The following BMPR1A variants were observed in gnomAD, a reference collection of about 807,000 sequenced individuals.
BMPR1A encodes the protein bone morphogenetic protein receptor type 1A.
BMPR1A carries 7 observed loss-of-function variants against 66.0 expected under a neutral mutation model. The ratio of observed to expected loss-of-function variants is 0.11; its 90% CI spans 0.06 to 0.20. The LOEUF (loss-of-function observed/expected upper bound fraction) is 0.20. Ranked by LOEUF, BMPR1A falls within the 10% of genes least tolerant of loss-of-function variation. The pLI is 1.00. For missense variants in BMPR1A, 408 were observed against 669.1 expected (o/e 0.61, Z 4.31); for synonymous variants, 200 against 229.7 (o/e 0.87, Z 1.17).
rs1843763620 is a variant in BMPR1A, at chr10:86,927,751, G to C, written c.*4032G>C. On this transcript the variant is annotated 3_prime_UTR_variant, in exon 13 of 13. Transcript: ENST00000372037. ...CATTATTGCTTCATTAGGGGAAACTGTACATAGGCATTGAAAGAAGGGTAA... is the reference window on the plus strand; with the variant it reads ...CATTATTGCTTCATTAGGGGAAACTCTACATAGGCATTGAAAGAAGGGTAA... 5.0e-6 allele frequency: 1 copy of C among 198,616 alleles called. No individual in the cohort carries two copies. Among genetic ancestry groups the C allele is most frequent in the South Asian group, 1.9e-4 (1 of 5,264 alleles). 12.3% of individuals were successfully genotyped at this position (198,616 alleles called of 1,614,324 possible). A position where few individuals can be genotyped will look rare whatever the true frequency, so the allele number is the denominator to read the frequency against.
At chr10:86,903,104 A>G (rs1362795734) in intron 7 of BMPR1A, among the ~76,000 whole-genome samples, 1 of 152,164 alleles carries the variant, frequency 6.6e-6, no homozygotes, top group Non-Finnish European at 1.5e-5. Context: ...TATTTATAGG[A>G]ATATAAAAAT....
intron 11 of BMPR1A, among the ~76,000 whole-genome samples, chr10:86,922,302 G>A (rs1486364264): frequency 6.6e-6 from 1 of 152,206 alleles, no homozygotes; most frequent in Non-Finnish European, 1.5e-5. Flanking sequence ...GTGTTCATCT[G>A]TTGATGGTCA....
intron 2 of BMPR1A, among the ~76,000 whole-genome samples, chr10:86,870,902 T>G (rs764521694): frequency 1.3e-5 from 2 of 152,116 alleles, no homozygotes; most frequent in Non-Finnish European, 2.9e-5. Context: ...TATTATCCCC[T>G]CCAGTCCATT....
At chr10:86,866,395 C>CTTTCTTTTTTTT (rs1441027054) in intron 2 of BMPR1A, among the ~76,000 whole-genome samples, 1,028 of 70,538 alleles carry the variant, frequency 0.015, 84 homozygotes, top group African/African-American at 0.044. Flanking sequence ...GGGCAAGTTT[C>CTTTCTTTTTTTT]TTTCTTTTTT....
In BMPR1A at chr10:86,799,469, T is replaced by TCTTCCTTCCTTCCTTCCTTC. The variant is rs4029467; in HGVS notation, c.-267-39376_-267-39357dup. Among the ~76,000 whole-genome samples, 152 of 120,984 alleles carry TCTTCCTTCCTTCCTTCCTTC rather than the reference T, an allele frequency of 1.3e-3. 1 individual carries two copies. Among genetic ancestry groups the TCTTCCTTCCTTCCTTCCTTC allele is most frequent in the African/African-American group, 4.0e-3 (138 of 34,342 alleles). 79.4% of individuals were successfully genotyped at this position (120,984 alleles called of 152,430 possible). ...TGTACATTTTCTTTCTTCCTTCCTT[T>TCTTCCTTCCTTCCTTCCTTC]CTTCCTTCCTTCCTTCCTTCCTTCC... is the stretch of plus-strand genomic sequence containing the variant. On this transcript the variant is annotated intron_variant, in intron 1 of 12. Coordinates refer to ENST00000372037, the MANE Select transcript of BMPR1A (RefSeq NM_004329.3).
At position 86,781,857 on chromosome 10, in the gene BMPR1A, C is replaced by CTTTT. The variant is rs1162095658; in HGVS notation, c.-268+24958_-268+24961dup. The stretch of plus-strand genomic sequence containing the variant: ...CATTTTGTAGCATATGACAGGATTT[C>CTTTT]TTTTTTTTTTTTTTTTTTTTTTTGA... On this transcript the variant is annotated intron_variant, in intron 1 of 12. Coordinates refer to ENST00000372037, the MANE Select transcript of BMPR1A (RefSeq NM_004329.3). 2.5e-3 allele frequency among the ~76,000 whole-genome samples: 211 copies of CTTTT among 84,226 alleles called. 4 individuals carry two copies. The highest frequency in any genetic ancestry group is 3.1e-3 in the African/African-American group (64 of 20,870). 55.3% of individuals were successfully genotyped at this position (84,226 alleles called of 152,430 possible).
chr10:86,860,713 TGACCCGA>T (rs1379757018), intron 2 of BMPR1A, among the ~76,000 whole-genome samples: 1 of 146,370 alleles, frequency 6.8e-6, no homozygotes. Flanking sequence ...GAGGTTGCAG[TGACCCGA>T]GATTGTGCCA....
chr10:86,845,222 TG>T (rs1405340086), intron 2 of BMPR1A, among the ~76,000 whole-genome samples: 2 of 152,142 alleles, frequency 1.3e-5, no homozygotes, highest in Non-Finnish European at 2.9e-5. Flanking sequence ...AGTGAGAGAA[TG>T]GGAAAAGTGA....
chr10:86,796,727 C>T (rs1466161828), intron 1 of BMPR1A, among the ~76,000 whole-genome samples: 1 of 151,866 alleles, frequency 6.6e-6, no homozygotes, highest in Non-Finnish European at 1.5e-5. Flanking sequence ...GCTCACGCTA[C>T]CACTCCAGCT....
chr10:86,765,774 GAA>G (rs1302046320), intron 1 of BMPR1A, among the ~76,000 whole-genome samples: 2 of 152,096 alleles, frequency 1.3e-5, no homozygotes, highest in Admixed American at 6.5e-5. Context: ...ATGAAGTAAT[GAA>G]AGTCTTCTGT....
intron 1 of BMPR1A, among the ~76,000 whole-genome samples, chr10:86,776,511 G>A (rs1465264541): frequency 3.3e-5 from 5 of 152,140 alleles, no homozygotes; most frequent in African/African-American, 1.2e-4. Context: ...GTTGAAACTT[G>A]GTTCACACTG....
At position 86,802,631 on chromosome 10, in the gene BMPR1A, GA is replaced by G. The variant is rs1249709191; in HGVS notation, c.-267-36222del. ...GATCAGCTGGTGCAAGCTTGAGGGA[GA>G]AAAAAAAAAAACCATCCTTACAGAT... is the stretch of plus-strand genomic sequence containing the variant. On this transcript the variant is annotated intron_variant, in intron 1 of 12. Coordinates refer to ENST00000372037, the MANE Select transcript of BMPR1A (RefSeq NM_004329.3). Among the ~76,000 whole-genome samples, 1,299 of 139,446 alleles carry G rather than the reference GA, an allele frequency of 9.3e-3. 20 individuals are homozygous for G. The highest frequency in any genetic ancestry group is 0.052 in the Admixed American group (731 of 14,044). 91.5% of individuals were successfully genotyped at this position (139,446 alleles called of 152,430 possible).
At chr10:86,840,873 C>T (rs1277226586) in intron 2 of BMPR1A, among the ~76,000 whole-genome samples, 1 of 152,230 alleles carries the variant, frequency 6.6e-6, no homozygotes, top group Non-Finnish European at 1.5e-5. Context: ...TTTGAATCCT[C>T]TCTTTCCGAA....
intron 9 of BMPR1A, 117 bp downstream of exon 9, chr10:86,917,443 G>A: frequency 1.6e-6 from 2 of 1,245,676 alleles, no homozygotes; most frequent in Non-Finnish European, 2.3e-6. Flanking sequence ...TTGGCTAAAG[G>A]AAACCTAGTA....
intron 1 of BMPR1A, among the ~76,000 whole-genome samples, chr10:86,831,039 T>C (rs1036763454): frequency 5.3e-5 from 8 of 152,248 alleles, no homozygotes; most frequent in African/African-American, 1.7e-4. Context: ...TGTTGTATCA[T>C]GAACCAGTTC....
intron 1 of BMPR1A, among the ~76,000 whole-genome samples, chr10:86,821,546 T>C (rs1340070146): frequency 3.3e-5 from 5 of 152,178 alleles, no homozygotes; most frequent in Admixed American, 1.3e-4. Context: ...TGCTCATTGC[T>C]AAGTTGCTCT....
intron 1 of BMPR1A, among the ~76,000 whole-genome samples, chr10:86,831,686 C>T (rs1842269362): frequency 6.6e-6 from 1 of 152,152 alleles, no homozygotes; most frequent in African/African-American, 2.4e-5. Context: ...ATCACTTGAG[C>T]CCAGTAGGTG....
intron 11 of BMPR1A, 64 bp from the exon 12 acceptor site, chr10:86,923,312 T>A: frequency 1.9e-6 from 3 of 1,601,532 alleles, no homozygotes; most frequent in Middle Eastern, 2.0e-4. Context: ...AAAAGATGCT[T>A]ACTAGATTGG....
intron 3 of BMPR1A, among the ~76,000 whole-genome samples, chr10:86,883,712 G>A (rs1168544998): frequency 2.6e-5 from 4 of 152,106 alleles, no homozygotes; most frequent in African/African-American, 9.6e-5. Context: ...AGAGGTTGCA[G>A]CGAGTGGAGA....
Sources: gnomAD v4.1 joint callset for allele counts (sites outside exome capture counted in the v4.1 genomes callset) on GRCh38, gnomAD v4.1.1 for gene constraint, MANE v1.5 for transcripts, NCBI Gene and HGNC (gene_info 2026-07-23, HGNC 2026-07-21) for gene names.